The following PPM1E variants were observed in gnomAD, a reference collection of about 807,000 sequenced individuals.
PPM1E encodes the protein protein phosphatase 1E.
In PPM1E, 20 loss-of-function variants were observed where a neutral mutation model predicts 65.9. The ratio of observed to expected loss-of-function variants is 0.30; its 90% confidence interval spans 0.21 to 0.44. The LOEUF (loss-of-function observed/expected upper bound fraction) is 0.44, where lower values mean the gene tolerates loss of function less well. Ranked by LOEUF, PPM1E falls within the 20% of genes least tolerant of loss-of-function variation. The probability of loss-of-function intolerance (pLI) is 1.00; values close to 1 mark genes in which losing one functional copy is unlikely to be tolerated. For synonymous variants in PPM1E, 352 were observed against 374.9 expected (o/e 0.94, Z 0.70); for missense variants, 713 against 953.1 (o/e 0.75, Z 3.32).
chr17:58,868,463 G>T (rs757170515), intron 1 of PPM1E, among the ~76,000 whole-genome samples: 1 of 151,904 alleles, frequency 6.6e-6, no homozygotes, highest in Non-Finnish European at 1.5e-5. Flanking sequence ...GAAGAGGGAA[G>T]TTCCCTCTTT....
intron 1 of PPM1E, among the ~76,000 whole-genome samples, chr17:58,810,977 C>T (rs1393035455): frequency 6.6e-6 from 1 of 152,116 alleles, no homozygotes; most frequent in Non-Finnish European, 1.5e-5. Context: ...CCTGCTTCAG[C>T]CTCCCGAGTA....
intron 1 of PPM1E, among the ~76,000 whole-genome samples, chr17:58,786,214 C>G (rs2050099321): frequency 6.6e-6 from 1 of 151,936 alleles, no homozygotes; most frequent in Non-Finnish European, 1.5e-5. Context: ...CGGGGTTTCA[C>G]CATGTTAGCC....
chr17:58,957,359 G>A (rs570719924), intron 2 of PPM1E, among the ~76,000 whole-genome samples: 1 of 152,246 alleles, frequency 6.6e-6, no homozygotes, highest in South Asian at 2.1e-4. Flanking sequence ...GCCTACTTTG[G>A]AAGAATTTTT....
In PPM1E at chr17:58,965,803, G is replaced by A. The variant is rs770645781; in HGVS notation, c.693G>A (p.Glu231=). 5 of 1,613,970 alleles carry A rather than the reference G, an allele frequency of 3.1e-6. No homozygotes were observed. In the East Asian group the frequency reaches 1.1e-4, roughly 36 times the overall value. Residue 231 remains glutamate, a synonymous_variant, in exon 3 of 7, where the codon GAG becomes GAA. Coordinates refer to ENST00000308249, the MANE Select transcript of PPM1E (RefSeq NM_014906.5). ...GCAGGAGACCCCAGCTTTATTATGA[G>A]ACATCAATCCATGCCATCAAAAACA... is the stretch of plus-strand genomic sequence containing the variant. ...PLRRRPQLYY[E]TSIHAIKNMR...
chr17:58,873,611 C>T (rs999649114), intron 1 of PPM1E, among the ~76,000 whole-genome samples: 7 of 101,610 alleles, frequency 6.9e-5, no homozygotes, highest in African/African-American at 2.0e-4. Flanking sequence ...TTATTATTTT[C>T]GAGTCAGGGT....
chr17:58,795,922 G>C (rs955718039), intron 1 of PPM1E, among the ~76,000 whole-genome samples: 2 of 152,054 alleles, frequency 1.3e-5, no homozygotes, highest in Non-Finnish European at 2.9e-5. Flanking sequence ...TATAGATTTT[G>C]GATATTAGAC....
intron 1 of PPM1E, among the ~76,000 whole-genome samples, chr17:58,879,775 G>A (rs1240772117): frequency 6.6e-6 from 1 of 151,850 alleles, no homozygotes; most frequent in African/African-American, 2.4e-5. Flanking sequence ...TCCCAAAGTG[G>A]TGGGATTACA....
At chr17:58,948,471 TA>T (rs991144901) in intron 1 of PPM1E, among the ~76,000 whole-genome samples, 9 of 151,584 alleles carry the variant, frequency 5.9e-5, no homozygotes, top group South Asian at 2.1e-4. Flanking sequence ...TTTCTTCCTT[TA>T]AAAAAAAATT....
chr17:58,908,722 G>A (rs1333559447), intron 1 of PPM1E, among the ~76,000 whole-genome samples: 1 of 152,186 alleles, frequency 6.6e-6, no homozygotes, highest in East Asian at 1.9e-4. Context: ...TTACAGGCAT[G>A]AGCCACCGTG....
intron 1 of PPM1E, among the ~76,000 whole-genome samples, chr17:58,945,963 T>C (rs557112796): frequency 1.3e-5 from 2 of 152,154 alleles, no homozygotes; most frequent in African/African-American, 4.8e-5. Flanking sequence ...CTTCATCACG[T>C]AGGCATGTTC....
intron 6 of PPM1E, among the ~76,000 whole-genome samples, chr17:58,979,620 G>A (rs970021422): frequency 6.6e-6 from 1 of 152,174 alleles, no homozygotes; most frequent in Non-Finnish European, 1.5e-5. Context: ...AATCAACCAT[G>A]TCTTCCTACA....
At chr17:58,927,251 C>G (rs533299122) in intron 1 of PPM1E, among the ~76,000 whole-genome samples, 1 of 151,510 alleles carries the variant, frequency 6.6e-6, no homozygotes, top group Non-Finnish European at 1.5e-5. Flanking sequence ...CTCAGCCTCC[C>G]GAGTAGCTGG....
chr17:58,896,413 C>T lies in PPM1E; in HGVS notation c.465-59236C>T, dbSNP rs530101374. 5.0e-4 allele frequency among the ~76,000 whole-genome samples: 76 copies of T among 151,844 alleles called. 1 individual carries two copies. Among genetic ancestry groups the T allele is most frequent in the Admixed American group, 3.3e-3 (50 of 15,236 alleles). On this transcript the variant is annotated intron_variant, in intron 1 of 6. Transcript: ENST00000308249. Reference sequence around the variant, plus strand: ...CTGCCTGACCAATATGGTAAAACCCCGTCTCTACTGAAAATACAAAAATTA... The same window carrying T: ...CTGCCTGACCAATATGGTAAAACCCTGTCTCTACTGAAAATACAAAAATTA...
Position 58,980,710 on chromosome 17 carries a change from T to C in PPM1E, c.1947T>C (p.Cys649=), listed in dbSNP as rs762529848. 1.2e-6 allele frequency: 2 copies of C among 1,614,198 alleles called. No homozygotes were observed. The highest frequency in any genetic ancestry group is 1.7e-6 in the Non-Finnish European group (2 of 1,180,020). ...GAATGCAGAGCTTGTCTCCTGTCTG[T>C]TCAGGGTTGGAAAATGAACAGTTCA... ...IYRMQSLSPV[C]SGLENEQFKS... Residue 649 remains cysteine (C), a synonymous_variant, in exon 7 of 7, where the codon TGT becomes TGC. Coordinates refer to ENST00000308249, the MANE Select transcript of PPM1E (RefSeq NM_014906.5). This position sits in a 1 kb window ranked among gnomAD's most constrained non-coding sequence, Gnocchi z 4.7.
intron 1 of PPM1E, among the ~76,000 whole-genome samples, chr17:58,871,102 AC>A (rs2051064146): frequency 1.3e-5 from 2 of 152,124 alleles, no homozygotes; most frequent in South Asian, 2.1e-4. Flanking sequence ...TGGTGTGATT[AC>A]AGCTCACTGC....
intron 1 of PPM1E, among the ~76,000 whole-genome samples, chr17:58,925,074 T>C (rs2051807480): frequency 6.6e-6 from 1 of 152,180 alleles, no homozygotes; most frequent in Admixed American, 6.5e-5. Context: ...ATTATTTATA[T>C]TCCTTTGGGT....
chr17:58,778,923 C>CATATATAT (rs1287475365), intron 1 of PPM1E, among the ~76,000 whole-genome samples: 1 of 61,778 alleles, frequency 1.6e-5, no homozygotes, highest in Non-Finnish European at 3.2e-5. Flanking sequence ...TGAGATGATA[C>CATATATAT]ATACATATAT....
At chr17:58,922,955 A>G (rs1297971588) in intron 1 of PPM1E, among the ~76,000 whole-genome samples, 1 of 152,152 alleles carries the variant, frequency 6.6e-6, no homozygotes, top group Non-Finnish European at 1.5e-5. Flanking sequence ...TAAATAGAAT[A>G]AATTTCTAAT....
rs1034257249 is a variant in PPM1E, at chr17:58,981,184, A to G, written c.*153A>G. 24 of 613,600 alleles carry G rather than the reference A, an allele frequency of 3.9e-5. No individual in the cohort carries two copies. The highest frequency in any genetic ancestry group is 6.0e-5 in the Non-Finnish European group (22 of 365,546). 38.0% of individuals were successfully genotyped at this position (613,600 alleles called of 1,614,324 possible). A position where few individuals can be genotyped will look rare whatever the true frequency, so the allele number is the denominator to read the frequency against. On this transcript the variant is annotated 3_prime_UTR_variant, in exon 7 of 7. Coordinates refer to ENST00000308249, the MANE Select transcript of PPM1E (RefSeq NM_014906.5). ...GTAAATAGATCTCTAGGAAACTCAA[A>G]GTACAGTGTTTTCAATCTAAAAAGA...
Sources: gnomAD v4.1 joint callset for allele counts (sites outside exome capture counted in the v4.1 genomes callset) on GRCh38, gnomAD v4.1.1 for gene constraint, Gnocchi (gnomAD v3.1) non-coding constraint, MANE v1.5 for transcripts, NCBI Gene and HGNC (gene_info 2026-07-23, HGNC 2026-07-21) for gene names.